The following FER variants were observed in gnomAD, a reference collection of about 807,000 sequenced individuals.
FER encodes tyrosine-protein kinase Fer.
In FER, 63 loss-of-function variants were observed where a neutral mutation model predicts 111.0. The ratio of observed to expected loss-of-function variants is 0.57; its 90% CI spans 0.46 to 0.70. The LOEUF (loss-of-function observed/expected upper bound fraction) is 0.70, where lower values mean the gene tolerates loss of function less well. FER is among the 30% of genes least tolerant of loss of function. The pLI is 0.00. For synonymous variants in FER, 327 were observed against 313.9 expected (o/e 1.04, Z -0.44); for missense variants, 914 against 954.0 (o/e 0.96, Z 0.55).
In FER at chr5:109,014,562, T is replaced by A. The variant is rs909552895; in HGVS notation, c.1657-22860T>A. ...TTGGCTTAGGATTGACTTGGCGATG[T>A]GGGCTCTTTTTTGGTTCCATATGAA... On this transcript the variant is annotated intron_variant, in intron 13 of 19. Transcript: ENST00000281092. Among the ~76,000 whole-genome samples the A allele has an allele frequency of 1.4e-4, 22 of 152,190 alleles. 1 individual carries two copies. Among genetic ancestry groups the A allele is most frequent in the African/African-American group, 5.1e-4 (21 of 41,534 alleles).
chr5:109,019,955 C>G (rs1767711365), intron 13 of FER, among the ~76,000 whole-genome samples: 1 of 151,832 alleles, frequency 6.6e-6, no homozygotes, highest in African/African-American at 2.4e-5. Flanking sequence ...TCCTAATGTA[C>G]TTTGCAATTT....
chr5:108,889,725 G>A (rs1024022129), intron 9 of FER, among the ~76,000 whole-genome samples: 22 of 151,920 alleles, frequency 1.4e-4, no homozygotes, highest in Middle Eastern at 3.4e-3. Flanking sequence ...CCCGTTTACC[G>A]TGATGTGAGT....
At chr5:109,137,853 G>T (rs1303759433) in intron 17 of FER, among the ~76,000 whole-genome samples, 2 of 152,140 alleles carry the variant, frequency 1.3e-5, no homozygotes, top group Non-Finnish European at 2.9e-5. Flanking sequence ...TTTCTGCCAT[G>T]GTTAATTCTA....
chr5:108,966,228 A>G (rs1759794490), intron 13 of FER, among the ~76,000 whole-genome samples: 1 of 152,178 alleles, frequency 6.6e-6, no homozygotes, highest in South Asian at 2.1e-4. Flanking sequence ...AAATATTTGA[A>G]GGGAAATGGG....
chr5:108,802,101 C>G (rs1756723957), intron 3 of FER, among the ~76,000 whole-genome samples: 1 of 152,040 alleles, frequency 6.6e-6, no homozygotes, highest in Non-Finnish European at 1.5e-5. Flanking sequence ...GCAATCAAAA[C>G]TGCAGGAAGC....
intron 7 of FER, 44 bp downstream of exon 7, chr5:108,871,546 T>C: frequency 6.9e-7 from 1 of 1,450,744 alleles, no homozygotes; most frequent in South Asian, 1.4e-5. Context: ...GACAGTATTA[T>C]TTTTCATTCA....
intron 17 of FER, among the ~76,000 whole-genome samples, chr5:109,102,805 T>C (rs1253014260): frequency 1.3e-5 from 2 of 152,154 alleles, no homozygotes; most frequent in Non-Finnish European, 2.9e-5. Context: ...TTCATTTTAG[T>C]ACTTCACCAA....
intron 5 of FER, among the ~76,000 whole-genome samples, chr5:108,843,688 C>A (rs1344232266): frequency 6.6e-6 from 1 of 151,792 alleles, no homozygotes; most frequent in East Asian, 1.9e-4. Context: ...GCCACCAAAC[C>A]CAGCTAATTT....
chr5:108,806,710 TGTTTTGGCCAGC>T (rs1490300149), intron 3 of FER, among the ~76,000 whole-genome samples: 2 of 152,212 alleles, frequency 1.3e-5, no homozygotes, highest in Non-Finnish European at 2.9e-5. Context: ...GTAGTCCCTT[TGTTTTGGCCAGC>T]GTCTCCCTTT....
chr5:108,868,479 T>A (rs1764291806), intron 6 of FER, among the ~76,000 whole-genome samples: 2 of 152,036 alleles, frequency 1.3e-5, no homozygotes. Context: ...AATTAGTGAG[T>A]CAAATGGACA....
chr5:109,017,670 G>C (rs1387451213), intron 13 of FER, among the ~76,000 whole-genome samples: 1 of 151,810 alleles, frequency 6.6e-6, no homozygotes, highest in African/African-American at 2.4e-5. Context: ...AGTTTTGGAG[G>C]ATATATATCA....
At chr5:109,051,770 C>T (rs748291288) in intron 16 of FER, 44 of 1,576,878 alleles carry the variant, frequency 2.8e-5, no homozygotes, top group South Asian at 1.2e-4. Flanking sequence ...TTGAAGAAAA[C>T]GTAGAAGAGT....
intron 9 of FER, among the ~76,000 whole-genome samples, chr5:108,889,731 T>C (rs980298495): frequency 1.3e-5 from 2 of 151,992 alleles, no homozygotes; most frequent in Non-Finnish European, 2.9e-5. Context: ...TACCGTGATG[T>C]GAGTATAACA....
chr5:108,843,814 A>T (rs1174958359), intron 5 of FER, among the ~76,000 whole-genome samples: 2 of 152,210 alleles, frequency 1.3e-5, no homozygotes, highest in Middle Eastern at 3.4e-3. Flanking sequence ...GGTGTGAGCC[A>T]CCATGCCTGG....
chr5:108,968,867 T>C (rs1760250135), intron 13 of FER, among the ~76,000 whole-genome samples: 1 of 152,062 alleles, frequency 6.6e-6, no homozygotes, highest in African/African-American at 2.4e-5. Flanking sequence ...CAAATAAAAA[T>C]ATTGGCAATG....
intron 13 of FER, among the ~76,000 whole-genome samples, chr5:108,981,751 T>A (rs1400004239): frequency 6.6e-6 from 1 of 152,128 alleles, no homozygotes; most frequent in Non-Finnish European, 1.5e-5. Context: ...ACAGAGAAGT[T>A]ACATAATTTG....
intron 16 of FER, among the ~76,000 whole-genome samples, chr5:109,077,863 T>C (rs1235249843): frequency 6.6e-6 from 1 of 151,598 alleles, no homozygotes; most frequent in Non-Finnish European, 1.5e-5. Context: ...CCCATATAAT[T>C]AGTTTTTTTG....
intron 13 of FER, among the ~76,000 whole-genome samples, chr5:108,997,291 G>T (rs1233213409): frequency 6.6e-6 from 1 of 150,838 alleles, no homozygotes; most frequent in Non-Finnish European, 1.5e-5. Flanking sequence ...GGTGGTGGGC[G>T]CCTGTAGTCC....
intron 14 of FER, 67 bp downstream of exon 14, chr5:109,037,545 C>A: frequency 7.5e-7 from 1 of 1,326,522 alleles, no homozygotes; most frequent in Non-Finnish European, 1.1e-6. Flanking sequence ...CAGATTTTTT[C>A]ATTTTCCTCA....
Sources: allele counts gnomAD v4.1 joint callset (sites outside exome capture counted in the v4.1 genomes callset), GRCh38; gene constraint gnomAD v4.1.1; transcripts MANE v1.5; gene names NCBI Gene and HGNC (gene_info 2026-07-23, HGNC 2026-07-21).